SIRT1: variants seen among roughly 807,000 people sequenced by gnomAD.
SIRT1 encodes sirtuin 1.
Under a neutral mutation model 67.9 loss-of-function variants are expected in SIRT1, and 24 were observed. The ratio of observed to expected loss-of-function variants is 0.35; its 90% CI spans 0.26 to 0.50. SIRT1 has a LOEUF of 0.50. SIRT1 is among the 20% of genes least tolerant of loss of function. SIRT1 has a pLI of 0.98. For synonymous variants in SIRT1, 378 were observed against 350.7 expected (o/e 1.08, Z -0.87); for missense variants, 873 against 937.2 (o/e 0.93, Z 0.89).
At chr10:67,893,451 G>C (rs1401358230) in intron 4 of SIRT1, among the ~76,000 whole-genome samples, 1 of 152,022 alleles carries the variant, frequency 6.6e-6, no homozygotes, top group African/African-American at 2.4e-5. Flanking sequence ...TCCAGCGAAG[G>C]AGTCTTGTAT....
Position 67,885,117 on chromosome 10 carries a change from G to C in SIRT1, c.396G>C (p.Glu132Asp). The change falls in exon 1 of 9, where the codon GAG (glutamate) becomes GAC (aspartate). Residue 132 changes from glutamate to aspartate, a missense_variant. Physicochemically the swap from Glu to Asp is conservative, Grantham distance 45. Around this residue, in one of 3 missense-constraint regions of SIRT1, gnomAD observed 327 missense variants for 283.9 expected, o/e 1.15. Coordinates refer to ENST00000212015, the MANE Select transcript of SIRT1 (RefSeq NM_012238.5). ...DEDDDDEGEE[E>D]EEAAAAAIGY... ...ACGACGACGACGAGGGCGAGGAGGA[G>C]GAAGAGGCGGCGGCGGCGGCGATTG... 6.9e-7 allele frequency: 1 copy of C among 1,441,292 alleles called. No individual in the cohort carries two copies. The highest frequency in any genetic ancestry group is 9.2e-7 in the Non-Finnish European group (1 of 1,092,500). The allele number at this position is 1,441,292 out of a possible 1,614,324, so 89.3% of individuals were successfully genotyped here.
chr10:67,886,051 T>G (rs1280294962), intron 1 of SIRT1, among the ~76,000 whole-genome samples: 1 of 149,008 alleles, frequency 6.7e-6, no homozygotes, highest in Non-Finnish European at 1.5e-5. Flanking sequence ...GTTCAACCGA[T>G]TCTCCTTCAG....
rs763220339 is a variant in SIRT1 at position 67,912,875 on chromosome 10, A to G, written c.1759A>G (p.Asn587Asp). 1 of 1,614,172 alleles carries G rather than the reference A, an allele frequency of 6.2e-7. No individual in the cohort carries two copies. The highest frequency in any genetic ancestry group is 2.2e-5 in the East Asian group (1 of 44,874). ...ACCACAGGAAGTACAAACTTCTAGG[A>G]ATGTTGAAAGTATTGCTGAACAGAT... is the stretch of plus-strand genomic sequence containing the variant. ...EKPQEVQTSR[N>D]VESIAEQMEN... Residue 587 changes from asparagine to aspartate, a missense_variant, in exon 8 of 9, where the codon AAT (asparagine) becomes GAT (aspartate). Asn to Asp is a conservative substitution (Grantham distance 23, BLOSUM62 1). Around this residue, in one of 3 missense-constraint regions of SIRT1, gnomAD observed 295 missense variants for 294.5 expected, o/e 1.00. Coordinates refer to ENST00000212015, the MANE Select transcript of SIRT1 (RefSeq NM_012238.5).
chr10:67,892,980 G>A (rs10997863), intron 4 of SIRT1, among the ~76,000 whole-genome samples: 11,463 of 152,200 alleles, frequency 0.075, 707 homozygotes, highest in East Asian at 0.3. Context: ...GTACAGCTCT[G>A]CTTTAGCATA....
rs1063114 is a variant in SIRT1 at position 67,912,586 on chromosome 10, T to C, written c.1470T>C (p.Cys490=). 1 of 1,614,132 alleles carries C rather than the reference T, an allele frequency of 6.2e-7. No individual in the cohort carries two copies. Among genetic ancestry groups the C allele is most frequent in the African/African-American group, 1.3e-5 (1 of 75,040 alleles). Residue 490 remains cysteine, a synonymous_variant, in exon 8 of 9, where the codon TGT becomes TGC. Transcript: ENST00000212015. ...GTGATGTCATAATTAATGAATTGTG[T>C]CATAGGTTAGGTGGTGAATATGCCA... is the stretch of plus-strand genomic sequence containing the variant. The part of the protein sequence containing the change: ...GDCDVIINEL[C]HRLGGEYAKL...
chr10:67,915,855 TC>T (rs1442478890), intron 8 of SIRT1, among the ~76,000 whole-genome samples: 1 of 152,166 alleles, frequency 6.6e-6, no homozygotes, highest in Non-Finnish European at 1.5e-5. Flanking sequence ...TTTTCACACT[TC>T]CCTCCTTCAT....
At position 67,908,212 on chromosome 10, in the gene SIRT1, GTA is replaced by G. The variant is rs1842849529; in HGVS notation, c.1170+93_1170+94del. The stretch of plus-strand genomic sequence containing the variant: ...CAAAATCCTTTTTTACCCCTTTAAA[GTA>G]TATATGGTACAGAAAGATTCAGGAA... On this transcript the variant is annotated intron_variant, in intron 6 of 8. Transcript: ENST00000212015. 3 of 1,053,894 alleles carry G rather than the reference GTA, an allele frequency of 2.8e-6. No individual in the cohort carries two copies. In the East Asian group the frequency reaches 7.2e-5, roughly 25 times the overall value. 65.3% of individuals were successfully genotyped at this position (1,053,894 alleles called of 1,614,324 possible). A position where few individuals can be genotyped will look rare whatever the true frequency, so the allele number is the denominator to read the frequency against.
Position 67,909,272 on chromosome 10 carries a change from C to A in SIRT1, c.1187C>A (p.Pro396His). 6.2e-7 allele frequency: 1 copy of A among 1,603,238 alleles called. No homozygotes were observed. Among genetic ancestry groups the A allele is most frequent in the Non-Finnish European group, 8.5e-7 (1 of 1,176,288 alleles). Reference protein sequence around the residue: ...DIFNQVVPRCPRCPADEPLAI... With the variant: ...DIFNQVVPRCHRCPADEPLAI... ...AATATGTAGGTAGTTCCTCGATGTC[C>A]TAGGTGCCCAGCTGATGAACCGCTT... Residue 396 changes from proline to histidine, a missense_variant, in exon 7 of 9, where the codon CCT becomes CAT. Transcript: ENST00000212015.
chr10:67,907,325 A>C (rs957753134), intron 5 of SIRT1, among the ~76,000 whole-genome samples: 1 of 151,806 alleles, frequency 6.6e-6, no homozygotes, highest in Non-Finnish European at 1.5e-5. Flanking sequence ...TGAAATCCCA[A>C]CTCTACTAGA....
chr10:67,885,380 G>T (rs1249825669), intron 1 of SIRT1: 4 of 1,230,908 alleles, frequency 3.2e-6, no homozygotes, highest in Non-Finnish European at 4.0e-6. Flanking sequence ...GGGCGGCCTT[G>T]TTCTTTCCGC....
Position 67,912,884 on chromosome 10 carries a change from A to C in SIRT1, c.1768A>C (p.Ser590Arg), listed in dbSNP as rs1387799393. ...QEVQTSRNVE[S>R]IAEQMENPDL... is the part of the protein sequence containing the mutation. The stretch of plus-strand genomic sequence containing the variant: ...AGTACAAACTTCTAGGAATGTTGAA[A>C]GTATTGCTGAACAGATGGAAAATCC... The change falls in exon 8 of 9, where the codon AGT (serine) becomes CGT (arginine). Residue 590 changes from serine to arginine, a missense_variant. Physicochemically the swap from Ser to Arg is moderately radical, Grantham distance 110 (BLOSUM62 -1). Around this residue, in one of 3 missense-constraint regions of SIRT1, gnomAD observed 295 missense variants for 294.5 expected, o/e 1.00. Transcript: ENST00000212015. 1 of 1,614,058 alleles carries C rather than the reference A, an allele frequency of 6.2e-7. No individual in the cohort carries two copies. The highest frequency in any genetic ancestry group is 2.2e-5 in the East Asian group (1 of 44,884).
At chr10:67,910,910 T>C (rs1842890073) in intron 7 of SIRT1, among the ~76,000 whole-genome samples, 2 of 152,070 alleles carry the variant, frequency 1.3e-5, no homozygotes, top group African/African-American at 2.4e-5. Context: ...AGGAAAAATA[T>C]TAAATCCCTA....
At chr10:67,906,203 C>A in intron 4 of SIRT1, 1 of 1,460,550 alleles carries the variant, frequency 6.8e-7, no homozygotes, top group Non-Finnish European at 9.1e-7. Flanking sequence ...GAAAAACACA[C>A]ACACAAAATC....
Position 67,912,845 on chromosome 10 carries a change from G to A in SIRT1, c.1729G>A (p.Glu577Lys). The stretch of plus-strand genomic sequence containing the variant: ...GTCTGAATCAAAAGGTTGTATGGAA[G>A]AAAAACCACAGGAAGTACAAACTTC... Reference protein sequence around the residue: ...DVSESKGCMEEKPQEVQTSRN... With the variant: ...DVSESKGCMEKKPQEVQTSRN... The change falls in exon 8 of 9, where the codon GAA (glutamate) becomes AAA (lysine). Residue 577 changes from glutamate (E) to lysine (K), a missense_variant. Transcript: ENST00000212015. The A allele has an allele frequency of 2.5e-6, 4 of 1,614,040 alleles. No homozygotes were observed. Among genetic ancestry groups the A allele is most frequent in the Non-Finnish European group, 3.4e-6 (4 of 1,180,008 alleles).
chr10:67,910,041 T>C (rs965211360), intron 7 of SIRT1, among the ~76,000 whole-genome samples: 1 of 152,004 alleles, frequency 6.6e-6, no homozygotes, highest in Non-Finnish European at 1.5e-5. Flanking sequence ...CATTGTTCAT[T>C]GAGACTGGTG....
At chr10:67,900,340 TCA>T (rs1258613009) in intron 4 of SIRT1, among the ~76,000 whole-genome samples, 1 of 152,044 alleles carries the variant, frequency 6.6e-6, no homozygotes, top group Non-Finnish European at 1.5e-5. Context: ...GATGGGGGTT[TCA>T]CCATGTTTGC....
Position 67,906,948 on chromosome 10 carries a change from T to A in SIRT1, c.1090+11T>A. 1 of 1,553,118 alleles carries A rather than the reference T, an allele frequency of 6.4e-7. No individual in the cohort carries two copies. The highest frequency in any genetic ancestry group is 1.3e-5 in the South Asian group (1 of 80,000). On this transcript the variant is annotated intron_variant, in intron 5 of 8. Coordinates refer to ENST00000212015, the MANE Select transcript of SIRT1 (RefSeq NM_012238.5). ...TAATTCAGTGTCATGGTTAGTAAAC[T>A]TCAGAGTGGTTTTCTGTAATTTATT...
intron 4 of SIRT1, among the ~76,000 whole-genome samples, chr10:67,898,098 A>G (rs1842686827): frequency 1.3e-5 from 2 of 151,112 alleles, no homozygotes; most frequent in Non-Finnish European, 3.0e-5. Flanking sequence ...TGTCTCTACT[A>G]AAAATACAAA....
Position 67,916,367 on chromosome 10 carries a change from G to GT in SIRT1, c.2019dup (p.Asn674Ter). 1 of 1,614,178 alleles carries GT rather than the reference G, an allele frequency of 6.2e-7. No homozygotes were observed. Among genetic ancestry groups the GT allele is most frequent in the East Asian group, 2.2e-5 (1 of 44,872 alleles). The stretch of plus-strand genomic sequence containing the variant: ...GTCTTATCCTCTAGTTCTTGTGGCA[G>GT]TAACAGTGATAGTGGGACATGCCAG... On this transcript the variant is annotated frameshift_variant, in exon 9 of 9. Coordinates refer to ENST00000212015, the MANE Select transcript of SIRT1 (RefSeq NM_012238.5). LOFTEE classifies it high-confidence loss of function.
Sources: gnomAD v4.1 joint callset for allele counts (sites outside exome capture counted in the v4.1 genomes callset) on GRCh38, gnomAD v4.1.1 for gene constraint, gnomAD v4.1.1 regional missense constraint, MANE v1.5 for transcripts, NCBI Gene and HGNC (gene_info 2026-07-23, HGNC 2026-07-21) for gene names.